Variants in SLC25A26 observed in about 807,000 individuals in gnomAD.
The protein encoded by SLC25A26 is solute carrier family 25 member 26.
SLC25A26 carries 36 observed loss-of-function variants against 37.8 expected under a neutral mutation model. That is an observed-to-expected ratio of 0.95 (90% CI 0.73 to 1.26). The LOEUF (loss-of-function observed/expected upper bound fraction) is 1.26. Ranked by LOEUF, SLC25A26 falls within the 50% of genes most tolerant of loss-of-function variation. The pLI, the probability that SLC25A26 is intolerant of heterozygous loss-of-function variation, is 0.00. For synonymous variants in SLC25A26, 129 were observed against 122.5 expected, an observed-to-expected ratio of 1.05 and a Z score of -0.35; for missense variants, 390 against 331.1, an observed-to-expected ratio of 1.18 and a Z score of -1.38.
At chr3:66,243,870 A>G (rs2072704134) in intron 3 of SLC25A26, among the ~76,000 whole-genome samples, 1 of 152,130 alleles carries the variant, frequency 6.6e-6, no homozygotes, top group Non-Finnish European at 1.5e-5. Flanking sequence ...GTTCTTTTCC[A>G]TCAGCTTCTC....
At chr3:66,264,387 A>C (rs371012376) in intron 5 of SLC25A26, among the ~76,000 whole-genome samples, 56 of 152,332 alleles carry the variant, frequency 3.7e-4, no homozygotes, top group African/African-American at 1.3e-3. Context: ...CAGGGACCCC[A>C]ACCCCAGGGC....
chr3:66,228,816 C>A (rs1020053769), intron 1 of SLC25A26, among the ~76,000 whole-genome samples: 1 of 152,134 alleles, frequency 6.6e-6, no homozygotes, highest in African/African-American at 2.4e-5. Flanking sequence ...AATCATAAAG[C>A]AATTTGAACA....
intron 1 of SLC25A26, among the ~76,000 whole-genome samples, chr3:66,226,584 G>A (rs925088750): frequency 6.6e-6 from 1 of 152,048 alleles, no homozygotes; most frequent in African/African-American, 2.4e-5. Flanking sequence ...GAGTAGCTGG[G>A]ACTAGAGGCA....
chr3:66,219,446 TGG>T (rs1413605289), upstream of SLC25A26, among the ~76,000 whole-genome samples: 2 of 152,252 alleles, frequency 1.3e-5, no homozygotes, highest in Admixed American at 6.5e-5. Flanking sequence ...GAGATTATCC[TGG>T]GTAGGCCTGA....
chr3:66,250,381 A>G (rs2073034053), intron 3 of SLC25A26, among the ~76,000 whole-genome samples: 2 of 152,196 alleles, frequency 1.3e-5, no homozygotes. Flanking sequence ...TAAGAAAAGG[A>G]ACTATAGACG....
chr3:66,276,211 A>G (rs2074140112), intron 5 of SLC25A26, among the ~76,000 whole-genome samples: 1 of 152,136 alleles, frequency 6.6e-6, no homozygotes, highest in Non-Finnish European at 1.5e-5. Context: ...TTAAACTGTA[A>G]GACATCAGCC....
chr3:66,209,070 AC>A (rs2071231373), intron 1 of SLC25A26, among the ~76,000 whole-genome samples: 6 of 7,032 alleles, frequency 8.5e-4, no homozygotes, highest in South Asian at 9.1e-3. Flanking sequence ...ATATATACAC[AC>A]ACACACCCAT....
At chr3:66,313,870 C>G (rs986817641) in intron 5 of SLC25A26, among the ~76,000 whole-genome samples, 2 of 151,972 alleles carry the variant, frequency 1.3e-5, no homozygotes, top group African/African-American at 4.8e-5. Context: ...TTATTTTTTT[C>G]TCTTTGTAGC....
chr3:66,209,516 C>T (rs2071245472), intron 1 of SLC25A26, among the ~76,000 whole-genome samples: 1 of 137,298 alleles, frequency 7.3e-6, no homozygotes, highest in Admixed American at 7.6e-5. Flanking sequence ...GTTATATATT[C>T]TTTGTGTTTT....
chr3:66,326,673 G>C (rs539665108), intron 5 of SLC25A26, among the ~76,000 whole-genome samples: 5 of 152,296 alleles, frequency 3.3e-5, no homozygotes, highest in Admixed American at 2.0e-4. Flanking sequence ...GGGAGAGTGA[G>C]TGCACGCACG....
chr3:66,163,066 G>A (rs1006816472), intron 1 of SLC25A26, among the ~76,000 whole-genome samples: 4 of 152,168 alleles, frequency 2.6e-5, no homozygotes, highest in African/African-American at 9.7e-5. Context: ...CTTCCAAGAA[G>A]CCCTGCAGTG....
chr3:66,265,157 G>A (rs1210096062), intron 5 of SLC25A26, among the ~76,000 whole-genome samples: 1 of 151,758 alleles, frequency 6.6e-6, no homozygotes, highest in African/African-American at 2.4e-5. Flanking sequence ...TATAACATAC[G>A]AAAACTAGCT....
At chr3:66,312,396 CAGTGGATCTT>C (rs1367237289) in intron 5 of SLC25A26, among the ~76,000 whole-genome samples, 1 of 152,192 alleles carries the variant, frequency 6.6e-6, no homozygotes, top group Non-Finnish European at 1.5e-5. Flanking sequence ...AATTTCAAGC[CAGTGGATCTT>C]AGCTTGCTGG....
At chr3:66,276,277 G>A (rs535393876) in intron 5 of SLC25A26, among the ~76,000 whole-genome samples, 5 of 152,182 alleles carry the variant, frequency 3.3e-5, no homozygotes, top group Admixed American at 6.5e-5. Context: ...CAACTAGGAG[G>A]TGGCAGGACT....
chr3:66,291,958 A>C (rs1452742103), intron 5 of SLC25A26, among the ~76,000 whole-genome samples: 3 of 152,112 alleles, frequency 2.0e-5, no homozygotes, highest in Non-Finnish European at 2.9e-5. Context: ...GTCTCTAAGA[A>C]CTTGCTTTAT....
rs770382764 is a variant in SLC25A26, at chr3:66,377,930, G to A, written c.*123G>A. 28 of 741,026 alleles carry A rather than the reference G, an allele frequency of 3.8e-5. No individual in the cohort carries two copies. Among genetic ancestry groups the A allele is most frequent in the South Asian group, 6.9e-5 (4 of 58,376 alleles). 45.9% of individuals were successfully genotyped at this position (741,026 alleles called of 1,614,324 possible). A position where few individuals can be genotyped will look rare whatever the true frequency, so the allele number is the denominator to read the frequency against. On this transcript the variant is annotated 3_prime_UTR_variant, in exon 10 of 10. Transcript: ENST00000354883. ...TGAAGACCAGTTGTGCTAAGATACC[G>A]GCATGGAGATTGTGCCATCCGTGGT...
intron 3 of SLC25A26, among the ~76,000 whole-genome samples, chr3:66,246,558 A>G (rs2072851021): frequency 6.6e-6 from 1 of 152,190 alleles, no homozygotes; most frequent in Non-Finnish European, 1.5e-5. Context: ...ATATTATGTC[A>G]TAACATTTGA....
chr3:66,291,301 C>T (rs2074698147), intron 5 of SLC25A26, among the ~76,000 whole-genome samples: 1 of 151,926 alleles, frequency 6.6e-6, no homozygotes, highest in Non-Finnish European at 1.5e-5. Context: ...TTTTTTGTGT[C>T]TCTTTCTCCT....
At chr3:66,292,560 T>G (rs2074749395) in intron 5 of SLC25A26, among the ~76,000 whole-genome samples, 1 of 152,184 alleles carries the variant, frequency 6.6e-6, no homozygotes. Context: ...CTTATGAAGC[T>G]TAGTTCGGCT....
Sources: allele counts gnomAD v4.1 joint callset (sites outside exome capture counted in the v4.1 genomes callset), GRCh38; gene constraint gnomAD v4.1.1; transcripts MANE v1.5; gene names NCBI Gene and HGNC (gene_info 2026-07-23, HGNC 2026-07-21).